Variants in DRC3 observed in about 807,000 individuals in gnomAD.
The protein encoded by DRC3 is leucine rich repeat containing 48.
Under a neutral mutation model 57.6 loss-of-function variants are expected in DRC3, and 45 were observed. The observed-to-expected ratio is 0.78, with a 90% confidence interval of 0.62 to 1.00. The LOEUF is 1.00. Among genes scored for constraint, DRC3 ranks in the 50% least tolerant of loss-of-function variants. The pLI, the probability that DRC3 is intolerant of heterozygous loss-of-function variation, is 0.00. For missense variants in DRC3, 655 were observed against 675.2 expected, an observed-to-expected ratio of 0.97 and a Z score of 0.33; for synonymous variants, 257 against 272.3, an observed-to-expected ratio of 0.94 and a Z score of 0.55.
At chr17:17,993,575 T>C (rs2043325058) in intron 6 of DRC3, 1 of 152,526 alleles carries the variant, frequency 6.6e-6, no homozygotes. Flanking sequence ...CACCCTAAGT[T>C]GGTGTCATCC....
At chr17:17,987,911 A>C in intron 4 of DRC3, 21 bp from the exon 5 acceptor site, 1 of 1,611,844 alleles carries the variant, frequency 6.2e-7, no homozygotes, top group East Asian at 2.2e-5. Context: ...GCAGACCCTC[A>C]CAGCCCTCTC....
chr17:18,016,447 G>A lies in DRC3; in HGVS notation c.1459-111G>A, dbSNP rs181952800. On this transcript the variant is annotated intron_variant, in intron 13 of 13. Coordinates refer to ENST00000399187, the MANE Select transcript of DRC3 (RefSeq NM_031294.4). The stretch of plus-strand genomic sequence containing the variant: ...AACCTGGGGAGGCGCTGAAGCAAAT[G>A]AGGTTTGCAGATCTAAAGGAACTAT... 1.7e-5 allele frequency: 14 copies of A among 838,442 alleles called. No homozygotes were observed. In the African/African-American group the frequency reaches 2.2e-4, roughly 13 times the overall value. 51.9% of individuals were successfully genotyped at this position (838,442 alleles called of 1,614,324 possible). A position where few individuals can be genotyped will look rare whatever the true frequency, so the allele number is the denominator to read the frequency against.
intron 4 of DRC3, among the ~76,000 whole-genome samples, chr17:17,987,171 C>T (rs1433560517): frequency 2.8e-5 from 4 of 143,368 alleles, no homozygotes; most frequent in East Asian, 4.3e-4. Flanking sequence ...ACCGTGATTG[C>T]GCCACTGCAC....
chr17:18,016,273 T>C, intron 13 of DRC3, 78 bp downstream of exon 13: 1 of 1,450,168 alleles, frequency 6.9e-7, no homozygotes, highest in Non-Finnish European at 9.6e-7. Context: ...AGGTAGTGGA[T>C]AGAATTTTCA....
chr17:17,979,200 A>AC (rs34281983), intron 3 of DRC3, among the ~76,000 whole-genome samples: 1 of 152,034 alleles, frequency 6.6e-6, no homozygotes, highest in Admixed American at 6.6e-5. Flanking sequence ...GGCAGGCTGG[A>AC]CCCCGCCTTA....
chr17:18,000,456 GCTT>G (rs1186332002), intron 9 of DRC3, among the ~76,000 whole-genome samples: 1 of 152,090 alleles, frequency 6.6e-6, no homozygotes, highest in Non-Finnish European at 1.5e-5. Context: ...TGAAAAAGTA[GCTT>G]CTTTTTTTTA....
chr17:17,987,408 C>A (rs1285849674), intron 4 of DRC3, among the ~76,000 whole-genome samples: 1 of 151,954 alleles, frequency 6.6e-6, no homozygotes, highest in Non-Finnish European at 1.5e-5. Flanking sequence ...TGGCTTTGGG[C>A]AAATCACTGA....
At chr17:17,975,262 T>A (rs1024816843) in intron 2 of DRC3, among the ~76,000 whole-genome samples, 3 of 149,060 alleles carry the variant, frequency 2.0e-5, no homozygotes, top group African/African-American at 7.5e-5. Flanking sequence ...CAGGCTAGAG[T>A]GCAGTGGTGC....
At chr17:17,982,018 A>C (rs1283085126) in intron 3 of DRC3, among the ~76,000 whole-genome samples, 2 of 148,518 alleles carry the variant, frequency 1.3e-5, no homozygotes, top group Non-Finnish European at 3.0e-5. Context: ...TTTTTTAAAC[A>C]GTCTCACTCT....
At chr17:18,013,986 G>A (rs1183715367) in intron 12 of DRC3, among the ~76,000 whole-genome samples, 1 of 147,044 alleles carries the variant, frequency 6.8e-6, no homozygotes, top group Admixed American at 6.9e-5. Context: ...AGGCTGTAGT[G>A]CAGTGGTGCA....
intron 3 of DRC3, among the ~76,000 whole-genome samples, chr17:17,983,496 T>TGGAGGCTCCTCCA (rs951428306): frequency 6.6e-6 from 1 of 152,178 alleles, no homozygotes; most frequent in Non-Finnish European, 1.5e-5. Flanking sequence ...ACCAGCCTCC[T>TGGAGGCTCCTCCA]GGAGAGTCCC....
At chr17:18,015,737 C>T (rs550247205) in intron 12 of DRC3, 2 of 250,132 alleles carry the variant, frequency 8.0e-6, no homozygotes, top group Admixed American at 9.4e-5. Context: ...GAGAGAGAAG[C>T]ATTGTGAGAA....
chr17:17,991,635 T>C (rs2145318372), intron 5 of DRC3, among the ~76,000 whole-genome samples: 1 of 152,272 alleles, frequency 6.6e-6, no homozygotes, highest in East Asian at 1.9e-4. Context: ...CCAGTACTTT[T>C]AATGGCAAAA....
At chr17:17,997,833 C>T (rs1478748254) in intron 9 of DRC3, among the ~76,000 whole-genome samples, 199 bp downstream of exon 9, 1 of 152,136 alleles carries the variant, frequency 6.6e-6, no homozygotes. Flanking sequence ...GCACCACCAA[C>T]CACAGCTCCC....
At chr17:17,994,084 C>T in intron 6 of DRC3, 1 of 547,090 alleles carries the variant, frequency 1.8e-6, no homozygotes, top group South Asian at 2.1e-5. Flanking sequence ...TGGTCTTTCC[C>T]TGATTTCCCT....
chr17:17,973,005 A>G (rs1258763218), intron 1 of DRC3, 31 bp downstream of exon 1: 1 of 151,670 alleles, frequency 6.6e-6, no homozygotes. Context: ...CTCCCGGAGG[A>G]CTTGCAGGGA....
At chr17:17,997,732 T>C (rs2043523226) in intron 9 of DRC3, 98 bp downstream of exon 9, 2 of 1,149,364 alleles carry the variant, frequency 1.7e-6, no homozygotes, top group Non-Finnish European at 2.4e-6. Context: ...TCCTGTACCC[T>C]CTGATGACCC....
At chr17:18,001,710 C>T (rs2043739226) in intron 9 of DRC3, among the ~76,000 whole-genome samples, 1 of 151,940 alleles carries the variant, frequency 6.6e-6, no homozygotes, top group Non-Finnish European at 1.5e-5. Context: ...GCAGGAAGAT[C>T]GCTTGAGCCC....
chr17:18,004,684 A>C, intron 10 of DRC3, 190 bp downstream of exon 10: 1 of 602,696 alleles, frequency 1.7e-6, no homozygotes, highest in Non-Finnish European at 2.8e-6. Flanking sequence ...ATTGGAAGTG[A>C]TTCTTGTGGA....
Sources: gnomAD v4.1 joint callset for allele counts (sites outside exome capture counted in the v4.1 genomes callset) on GRCh38, gnomAD v4.1.1 for gene constraint, MANE v1.5 for transcripts, NCBI Gene and HGNC (gene_info 2026-07-23, HGNC 2026-07-21) for gene names.